METTL15: variants seen among roughly 807,000 people sequenced by gnomAD.
METTL15 encodes methyltransferase 15, mitochondrial 12S rRNA N4-cytidine.
In METTL15, 34 loss-of-function variants were observed where a neutral mutation model predicts 38.3. The ratio of observed to expected loss-of-function variants is 0.89; its 90% confidence interval spans 0.68 to 1.18. The LOEUF (loss-of-function observed/expected upper bound fraction) is 1.18, where lower values mean the gene tolerates loss of function less well. Ranked by LOEUF, METTL15 falls within the 50% of genes most tolerant of loss-of-function variation. The probability of loss-of-function intolerance (pLI) is 0.00; values close to 1 mark genes in which losing one functional copy is unlikely to be tolerated. For missense variants in METTL15, 438 were observed against 498.4 expected, an observed-to-expected ratio of 0.88 and a Z score of 1.15; for synonymous variants, 162 against 170.9, an observed-to-expected ratio of 0.95 and a Z score of 0.41.
chr11:28,306,113 G>T (rs1355895401), intron 6 of METTL15, among the ~76,000 whole-genome samples: 5 of 151,972 alleles, frequency 3.3e-5, no homozygotes, highest in Non-Finnish European at 7.4e-5. Context: ...GTAATTTAGT[G>T]TAACCACGTA....
rs575571217 is a variant in METTL15, at chr11:28,438,677, T to C, written c.*424+14313T>C. Among the ~76,000 whole-genome samples, 447 of 143,858 alleles carry C rather than the reference T, an allele frequency of 3.1e-3. 1 individual carries two copies. The highest frequency in any genetic ancestry group is 8.0e-3 in the African/African-American group (312 of 38,906). 94.4% of individuals were successfully genotyped at this position (143,858 alleles called of 152,430 possible). On this transcript the variant is annotated intron_variant and NMD_transcript_variant, in intron 6 of 7. Transcript: ENST00000532947. ...TTTTTTCTTTTTTCTTTTTTCTTTT[T>C]TTTTTTTTTTTTTTGGAGACAGAGT...
intron 3 of METTL15, among the ~76,000 whole-genome samples, chr11:28,117,177 TA>T (rs1461509123): frequency 6.6e-6 from 1 of 151,380 alleles, no homozygotes; most frequent in East Asian, 1.9e-4. Flanking sequence ...TATATTGAAA[TA>T]TATGTGATAT....
intron 3 of METTL15, among the ~76,000 whole-genome samples, chr11:28,205,083 ATATT>A (rs1340987237): frequency 2.6e-5 from 4 of 151,608 alleles, no homozygotes; most frequent in Non-Finnish European, 4.4e-5. Context: ...ACCAGTTGCT[ATATT>A]TATTTATTTA....
At chr11:28,368,279 T>C (rs1850208532) in intron 5 of METTL15, among the ~76,000 whole-genome samples, 1 of 151,042 alleles carries the variant, frequency 6.6e-6, no homozygotes, top group South Asian at 2.1e-4. Context: ...ATCCAGAACC[T>C]ACAAAGAACT....
At chr11:28,315,535 A>G (rs547768151) in intron 6 of METTL15, among the ~76,000 whole-genome samples, 1 of 152,252 alleles carries the variant, frequency 6.6e-6, no homozygotes, top group Non-Finnish European at 1.5e-5. Flanking sequence ...ACAATGTGAT[A>G]GAAAAGAAAT....
At chr11:28,409,109 G>A (rs944557613) in intron 5 of METTL15, among the ~76,000 whole-genome samples, 1 of 152,074 alleles carries the variant, frequency 6.6e-6, no homozygotes, top group Non-Finnish European at 1.5e-5. Flanking sequence ...CGGGCTGGGC[G>A]CAGTGGCTCA....
chr11:28,288,353 C>T (rs545833202), intron 4 of METTL15, among the ~76,000 whole-genome samples: 35 of 152,230 alleles, frequency 2.3e-4, no homozygotes, highest in Admixed American at 1.0e-3. Context: ...ATTGTAAAGA[C>T]ACATGTGCAC....
At chr11:28,175,366 G>C (rs974781122) in intron 3 of METTL15, among the ~76,000 whole-genome samples, 3 of 152,070 alleles carry the variant, frequency 2.0e-5, no homozygotes, top group Non-Finnish European at 2.9e-5. Context: ...ATTTGGGTTG[G>C]TTCCAAGTCT....
chr11:28,124,875 A>G (rs1226431941), intron 3 of METTL15, among the ~76,000 whole-genome samples: 1 of 152,098 alleles, frequency 6.6e-6, no homozygotes, highest in African/African-American at 2.4e-5. Context: ...TAATTTTTCT[A>G]CCGGTATAGA....
intron 5 of METTL15, among the ~76,000 whole-genome samples, chr11:28,372,181 T>A (rs962718104): frequency 1.3e-5 from 2 of 152,072 alleles, no homozygotes; most frequent in African/African-American, 4.8e-5. Context: ...ATTTTTACCA[T>A]AAAGAGATGT....
intron 5 of METTL15, chr11:28,398,902 C>T (rs1454075151): frequency 6.6e-6 from 1 of 151,906 alleles, no homozygotes; most frequent in African/African-American, 2.4e-5. Flanking sequence ...CAGTGCTATT[C>T]CCCTCAAGCT....
At chr11:28,237,007 C>T (rs1248740186) in intron 4 of METTL15, among the ~76,000 whole-genome samples, 1 of 151,976 alleles carries the variant, frequency 6.6e-6, no homozygotes, top group Non-Finnish European at 1.5e-5. Flanking sequence ...GTGGGTAACC[C>T]GATCTTTCTC....
rs528338185 is a variant in METTL15, at chr11:28,161,171, G to A, written c.270+47567G>A. Among the ~76,000 whole-genome samples the A allele has an allele frequency of 1.2e-4, 17 of 141,542 alleles. No individual in the cohort carries two copies. In the South Asian group the frequency reaches 3.3e-3, roughly 28 times the overall value. The allele number at this position is 141,542 out of a possible 152,430, so 92.9% of individuals were successfully genotyped here. On this transcript the variant is annotated intron_variant, in intron 3 of 6. Transcript: ENST00000407364. ...TGTGTCTTGCTGTCTTGCCCAGTCT[G>A]GAGTGCAGGGTTACAATCTCAGCTC...
chr11:28,430,623 A>G (rs1327748581), intron 6 of METTL15, among the ~76,000 whole-genome samples: 1 of 46,876 alleles, frequency 2.1e-5, no homozygotes, highest in Non-Finnish European at 4.5e-5. Context: ...CCGCCCGGCC[A>G]GCCACCCCGT....
chr11:28,436,049 A>G (rs1850979585), intron 6 of METTL15, among the ~76,000 whole-genome samples: 1 of 152,234 alleles, frequency 6.6e-6, no homozygotes, highest in Non-Finnish European at 1.5e-5. Flanking sequence ...AAATACAGTC[A>G]ATAAGAGCCA....
chr11:28,430,366 A>AC lies in METTL15; in HGVS notation c.*424+6002_*424+6003insC, dbSNP rs1554924519. On this transcript the variant is annotated intron_variant and NMD_transcript_variant, in intron 6 of 7. Transcript: ENST00000532947. Reference sequence around the variant, plus strand: ...CGCCCGGCCAGCCGTGCCATCCGGGAGGAGGTGGGGGGGTCAGCCCCCCGC... The same window carrying AC: ...CGCCCGGCCAGCCGTGCCATCCGGGACGGAGGTGGGGGGGTCAGCCCCCCGC... Among the ~76,000 whole-genome samples the AC allele has an allele frequency of 1.4e-4, 8 of 59,136 alleles. 1 individual carries two copies. The highest frequency in any genetic ancestry group is 4.4e-4 in the African/African-American group (8 of 18,116). 38.8% of individuals were successfully genotyped at this position (59,136 alleles called of 152,430 possible). A position where few individuals can be genotyped will look rare whatever the true frequency, so the allele number is the denominator to read the frequency against.
intron 5 of METTL15, among the ~76,000 whole-genome samples, chr11:28,401,345 T>A (rs1415240785): frequency 2.6e-5 from 4 of 151,964 alleles, no homozygotes; most frequent in Non-Finnish European, 4.4e-5. Context: ...TAAGAAGTAA[T>A]CTCTTAATCT....
intron 4 of METTL15, among the ~76,000 whole-genome samples, chr11:28,242,225 C>A (rs1009953663): frequency 2.0e-5 from 3 of 152,064 alleles, no homozygotes; most frequent in Non-Finnish European, 4.4e-5. Flanking sequence ...ATTAAGTATT[C>A]ATTCATGTTA....
chr11:28,474,801 A>G (rs1352598045), intron 6 of METTL15, among the ~76,000 whole-genome samples: 3 of 152,232 alleles, frequency 2.0e-5, no homozygotes, highest in Admixed American at 6.5e-5. Context: ...TGGACTCTAC[A>G]TAACCCAAGT....
Sources: allele counts gnomAD v4.1 joint callset (sites outside exome capture counted in the v4.1 genomes callset), GRCh38; gene constraint gnomAD v4.1.1; transcripts MANE v1.5; gene names NCBI Gene and HGNC (gene_info 2026-07-23, HGNC 2026-07-21).